The following HELZ variants were observed in gnomAD, a reference collection of about 807,000 sequenced individuals.
The protein encoded by HELZ is helicase with zinc finger, also known as ATP-dependent RNA helicase with zinc finger domain.
A neutral mutation model predicts 218.2 loss-of-function variants in HELZ; 23 were observed. The ratio of observed to expected loss-of-function variants is 0.11; its 90% CI spans 0.08 to 0.15. The LOEUF (loss-of-function observed/expected upper bound fraction) is 0.15, where lower values mean the gene tolerates loss of function less well. Ranked by LOEUF, HELZ falls within the 10% of genes least tolerant of loss-of-function variation. The probability of loss-of-function intolerance (pLI) is 1.00; values close to 1 mark genes in which losing one functional copy is unlikely to be tolerated. For synonymous variants in HELZ, 814 were observed against 829.4 expected, an observed-to-expected ratio of 0.98 and a Z score of 0.32; for missense variants, 1,813 against 2,353.7, an observed-to-expected ratio of 0.77 and a Z score of 4.75.
At chr17:67,092,215 AT>A (rs1397902419) in intron 31 of HELZ, among the ~76,000 whole-genome samples, 4 of 152,196 alleles carry the variant, frequency 2.6e-5, no homozygotes, top group Non-Finnish European at 5.9e-5. Context: ...TAATAAATGA[AT>A]ATTATAGATA....
chr17:67,154,560 T>A (rs1043414760), intron 17 of HELZ, among the ~76,000 whole-genome samples: 1 of 152,206 alleles, frequency 6.6e-6, no homozygotes, highest in African/African-American at 2.4e-5. Context: ...GTAATAAATC[T>A]TGAAAATTGC....
At chr17:67,202,330 C>A (rs570801908) in intron 6 of HELZ, among the ~76,000 whole-genome samples, 1 of 151,936 alleles carries the variant, frequency 6.6e-6, no homozygotes, top group East Asian at 1.9e-4. Flanking sequence ...CAAAAAAAGC[C>A]AAAAAATTAA....
At position 67,076,872 on chromosome 17, in the gene HELZ, A is replaced by G. The variant is rs1195696116; in HGVS notation, c.*1380T>C. 1 of 152,100 alleles carries G rather than the reference A, an allele frequency of 6.6e-6. No homozygotes were observed. Among genetic ancestry groups the G allele is most frequent in the Non-Finnish European group, 1.5e-5 (1 of 68,018 alleles). 9.4% of individuals were successfully genotyped at this position (152,100 alleles called of 1,614,324 possible). ...TCATCTTATTTTTTTTTAAAAGTTT[A>G]TATTGTAGTTTCGAGATACCTCTGA... On this transcript the variant is annotated 3_prime_UTR_variant, in exon 33 of 33. Transcript: ENST00000358691.
intron 13 of HELZ, among the ~76,000 whole-genome samples, chr17:67,177,593 T>C (rs927851937): frequency 1.3e-5 from 2 of 151,522 alleles, no homozygotes; most frequent in African/African-American, 2.4e-5. Context: ...ATAAATAATA[T>C]AGATGATATA....
chr17:67,219,619 C>T (rs1048832762), intron 3 of HELZ, among the ~76,000 whole-genome samples: 1 of 146,186 alleles, frequency 6.8e-6, no homozygotes, highest in Non-Finnish European at 1.5e-5. Flanking sequence ...ACTCAAGGTA[C>T]ATCAGAGGAG....
intron 15 of HELZ, among the ~76,000 whole-genome samples, chr17:67,164,753 T>C (rs2039091510): frequency 6.6e-6 from 1 of 152,098 alleles, no homozygotes; most frequent in Admixed American, 6.6e-5. Context: ...TAGAAAAAAG[T>C]AGAAGAAATC....
intron 20 of HELZ, among the ~76,000 whole-genome samples, chr17:67,147,598 C>T (rs374529081): frequency 6.6e-6 from 1 of 152,058 alleles, no homozygotes; most frequent in Non-Finnish European, 1.5e-5. Context: ...CCACCTCAGC[C>T]TCTCAAGTAG....
At chr17:67,205,234 G>A (rs940243342) in intron 5 of HELZ, among the ~76,000 whole-genome samples, 3 of 151,798 alleles carry the variant, frequency 2.0e-5, no homozygotes, top group Non-Finnish European at 4.4e-5. Flanking sequence ...GCTGAGGCAG[G>A]AGAACCGCTT....
At chr17:67,219,758 T>C (rs1353603461) in intron 3 of HELZ, among the ~76,000 whole-genome samples, 1 of 152,092 alleles carries the variant, frequency 6.6e-6, no homozygotes, top group Admixed American at 6.5e-5. Flanking sequence ...ACCAGTTCTA[T>C]AAAGAACTGG....
intron 22 of HELZ, among the ~76,000 whole-genome samples, chr17:67,136,574 A>C (rs1405401180): frequency 2.0e-5 from 3 of 152,254 alleles, no homozygotes; most frequent in Non-Finnish European, 4.4e-5. Flanking sequence ...GGAATGGATC[A>C]ACAGAATGTG....
At chr17:67,230,896 G>A (rs2041020748) in intron 3 of HELZ, among the ~76,000 whole-genome samples, 1 of 152,036 alleles carries the variant, frequency 6.6e-6, no homozygotes, top group Admixed American at 6.6e-5. Flanking sequence ...AAGGTTACTG[G>A]GAAGATTTAA....
At position 67,108,990 on chromosome 17, in the gene HELZ, T is replaced by G. The variant is rs1275823314; in HGVS notation, c.4489+126A>C. The G allele has an allele frequency of 1.3e-6, 1 of 797,444 alleles. No individual in the cohort carries two copies. The highest frequency in any genetic ancestry group is 2.8e-5 in the Admixed American group (1 of 35,094). 49.4% of individuals were successfully genotyped at this position (797,444 alleles called of 1,614,324 possible). A position where few individuals can be genotyped will look rare whatever the true frequency, so the allele number is the denominator to read the frequency against. ...TAGAACTAGTTTCTGATTATCACAC[T>G]AAATGGGGGGGTTTTGCTAGCATTA... On this transcript the variant is annotated intron_variant, in intron 29 of 32. Transcript: ENST00000358691. This position sits in a 1 kb window ranked among gnomAD's most constrained non-coding sequence, Gnocchi z 4.1.
At chr17:67,135,887 AG>A (rs2038134281) in intron 23 of HELZ, 82 bp downstream of exon 23, 10 of 1,093,180 alleles carry the variant, frequency 9.1e-6, no homozygotes, top group Non-Finnish European at 1.3e-5. Flanking sequence ...ATTAGCCAGA[AG>A]GTCATATGAA....
chr17:67,231,086 C>A (rs950809197), intron 3 of HELZ, among the ~76,000 whole-genome samples: 3 of 151,934 alleles, frequency 2.0e-5, no homozygotes, highest in Admixed American at 6.6e-5. Flanking sequence ...CAGAGAAACC[C>A]AAATTGAGGA....
At chr17:67,091,687 A>G (rs539047094) in intron 31 of HELZ, among the ~76,000 whole-genome samples, 1 of 152,330 alleles carries the variant, frequency 6.6e-6, no homozygotes, top group South Asian at 2.1e-4. Flanking sequence ...AAAATGAGAC[A>G]TTACATACTG....
chr17:67,163,034 T>C (rs1180928000), intron 15 of HELZ, among the ~76,000 whole-genome samples: 2 of 152,202 alleles, frequency 1.3e-5, no homozygotes. Flanking sequence ...ACTGTGATTC[T>C]ATGATACCTG....
At chr17:67,096,358 C>G (rs568186862) in intron 31 of HELZ, among the ~76,000 whole-genome samples, 1 of 152,300 alleles carries the variant, frequency 6.6e-6, no homozygotes, top group Non-Finnish European at 1.5e-5. Context: ...GCATTAGTTC[C>G]TAACAAGACA....
In HELZ at chr17:67,120,507, C is replaced by T; in HGVS notation, c.3736G>A (p.Gly1246Arg). ...CCAAGGCCATAAGGAATAGGAGATC[C>T]TCGTCCATGTGTCTGTAATAGGTTC... is the stretch of plus-strand genomic sequence containing the variant. ...NMNLLQTHGR[G>R]SPIPYGLGHH... Residue 1246 changes from glycine to arginine, a missense_variant, in exon 27 of 33, where the codon GGA (glycine) becomes AGA (arginine). This residue lies in a region of HELZ where 938 missense variants were observed against 1,027.5 expected (regional missense o/e 0.91). Transcript: ENST00000358691. 1 of 1,613,782 alleles carries T rather than the reference C, an allele frequency of 6.2e-7. No individual in the cohort carries two copies. Among genetic ancestry groups the T allele is most frequent in the Non-Finnish European group, 8.5e-7 (1 of 1,179,844 alleles).
In HELZ at chr17:67,086,833, C is replaced by G; in HGVS notation, c.5490G>C (p.Leu1830Phe). 6.2e-7 allele frequency: 1 copy of G among 1,613,450 alleles called. No homozygotes were observed. Among genetic ancestry groups the G allele is most frequent in the Non-Finnish European group, 8.5e-7 (1 of 1,179,862 alleles). The change falls in exon 32 of 33, where the codon TTG (leucine) becomes TTC (phenylalanine). Residue 1830 changes from leucine (L) to phenylalanine (F), a missense_variant. By Grantham distance (22) the Leu-to-Phe change is conservative (BLOSUM62 0). This residue lies in a region of HELZ where 938 missense variants were observed against 1,027.5 expected (regional missense o/e 0.91). Transcript: ENST00000358691. ...TAGCCACCAACTCTGTCTTACCTAT[C>G]AACTCTCTGGGCTGAGCTGTCCTGC... The part of the protein sequence containing the change: ...GSSRTAQPRE[L>F]IAPPKTVKPP...
Sources: gnomAD v4.1 joint callset for allele counts (sites outside exome capture counted in the v4.1 genomes callset) on GRCh38, gnomAD v4.1.1 for gene constraint, gnomAD v4.1.1 regional missense constraint, Gnocchi (gnomAD v3.1) non-coding constraint, MANE v1.5 for transcripts, NCBI Gene and HGNC (gene_info 2026-07-23, HGNC 2026-07-21) for gene names.